Variants in STYXL1 observed in about 807,000 individuals in gnomAD.
STYXL1 encodes serine/threonine/tyrosine interacting like 1.
A neutral mutation model predicts 36.4 loss-of-function variants in STYXL1; 32 were observed. The observed-to-expected ratio is 0.88, with a 90% CI of 0.66 to 1.18. STYXL1 has a LOEUF of 1.18. Among genes scored for constraint, STYXL1 ranks in the 50% most tolerant of loss-of-function variants. The pLI, the probability that STYXL1 is intolerant of heterozygous loss-of-function variation, is 0.00. For missense variants in STYXL1, 354 were observed against 394.1 expected (o/e 0.90, Z 0.86); for synonymous variants, 133 against 144.1 (o/e 0.92, Z 0.55).
At chr7:76,036,649 ATT>A (rs35777449) in intron 1 of STYXL1, among the ~76,000 whole-genome samples, 2 of 136,252 alleles carry the variant, frequency 1.5e-5, no homozygotes, top group Admixed American at 7.4e-5. Context: ...TTCCATGTGA[ATT>A]TTTTTTTTTT....
At chr7:76,046,774 C>A (rs1474959403) in intron 1 of STYXL1, among the ~76,000 whole-genome samples, 5 of 151,544 alleles carry the variant, frequency 3.3e-5, no homozygotes, top group Non-Finnish European at 7.4e-5. Context: ...CCTCAGCCTC[C>A]GGAGTAGTTG....
intron 1 of STYXL1, among the ~76,000 whole-genome samples, chr7:76,040,938 TA>T (rs1796424000): frequency 6.6e-6 from 1 of 152,106 alleles, no homozygotes; most frequent in East Asian, 1.9e-4. Context: ...TCCAATATCC[TA>T]GAGCAGCTAC....
chr7:76,032,412 A>G (rs1277608478), intron 1 of STYXL1, among the ~76,000 whole-genome samples: 2 of 150,304 alleles, frequency 1.3e-5, no homozygotes, highest in African/African-American at 4.9e-5. Context: ...AAAAAAAAAA[A>G]AAGAAGGAGG....
chr7:76,044,906 G>C (rs551629282), intron 1 of STYXL1: 2 of 152,294 alleles, frequency 1.3e-5, no homozygotes, highest in South Asian at 4.1e-4. Flanking sequence ...ATGTTACCCA[G>C]GCTGGTCCTG....
In STYXL1 at chr7:76,038,598, A is replaced by AT. The variant is rs565060709; in HGVS notation, c.-4-8072dup. Among the ~76,000 whole-genome samples the AT allele has an allele frequency of 3.8e-3, 548 of 145,908 alleles. 7 individuals are homozygous for AT. Among genetic ancestry groups the AT allele is most frequent in the African/African-American group, 0.012 (458 of 39,592 alleles). ...CTGCCACCACGCCTGGCTTTTTTGTATTTTTTTTTAGTAGAGACGGGGTTT... is the reference window on the plus strand; with the variant it reads ...CTGCCACCACGCCTGGCTTTTTTGTATTTTTTTTTTAGTAGAGACGGGGTTT... On this transcript the variant is annotated intron_variant, in intron 1 of 8. Transcript: ENST00000359697.
chr7:76,016,909 G>C (rs1291915052), intron 4 of STYXL1, among the ~76,000 whole-genome samples: 1 of 152,038 alleles, frequency 6.6e-6, no homozygotes, highest in Non-Finnish European at 1.5e-5. Flanking sequence ...AAAATATATT[G>C]TTACACCAAA....
At position 76,003,862 on chromosome 7, in the gene STYXL1, G is replaced by C. The variant is rs76090562; in HGVS notation, c.600-7C>G. On this transcript the variant is annotated splice_polypyrimidine_tract_variant and splice_region_variant and intron_variant, in intron 6 of 8. Coordinates refer to ENST00000359697, the MANE Select transcript of STYXL1 (RefSeq NM_001317785.2). ...GTCAGCATCGCCTGCAAAACTACAC[G>C]GAAGGACCACACAGGTCATCAGGTG... The C allele has an allele frequency of 2.5e-6, 4 of 1,613,636 alleles. No homozygotes were observed. The highest frequency in any genetic ancestry group is 3.4e-6 in the Non-Finnish European group (4 of 1,179,768).
chr7:76,028,402 G>A lies in STYXL1; in HGVS notation c.165+240C>T, dbSNP rs112284766. On this transcript the variant is annotated intron_variant, in intron 3 of 8. Coordinates refer to ENST00000359697, the MANE Select transcript of STYXL1 (RefSeq NM_001317785.2). ...TGCACTCCAGCCTGGATGACAGAGC[G>A]AGACCCGGTCTCAAAAATTAAATCA... Among the ~76,000 whole-genome samples, 907 of 152,202 alleles carry A rather than the reference G, an allele frequency of 6.0e-3. 17 individuals carry two copies. Among genetic ancestry groups the A allele is most frequent in the African/African-American group, 0.021 (870 of 41,524 alleles).
chr7:76,028,011 G>A (rs573433185), intron 3 of STYXL1, among the ~76,000 whole-genome samples: 5 of 151,968 alleles, frequency 3.3e-5, no homozygotes, highest in Admixed American at 6.6e-5. Flanking sequence ...GAGGCTGAGC[G>A]GCGTAGGATT....
chr7:76,003,973 A>T, intron 6 of STYXL1, 118 bp from the exon 7 acceptor site: 1 of 840,414 alleles, frequency 1.2e-6, no homozygotes, highest in Non-Finnish European at 1.9e-6. Context: ...TGTAAGGGGG[A>T]ATGTGCACAG....
chr7:76,010,227 C>G (rs1286009834), intron 5 of STYXL1, among the ~76,000 whole-genome samples: 3 of 151,078 alleles, frequency 2.0e-5, no homozygotes, highest in Non-Finnish European at 4.4e-5. Flanking sequence ...GAACATTAAA[C>G]TGCCCTGGCT....
chr7:76,046,339 T>TGCGCGCGC (rs60118008), intron 1 of STYXL1, among the ~76,000 whole-genome samples: 4 of 44,908 alleles, frequency 8.9e-5, no homozygotes, highest in African/African-American at 2.9e-4. Context: ...TGTGTGTGTG[T>TGCGCGCGC]GCGCGCGCGC....
At chr7:76,007,060 A>G (rs1438686075) in intron 5 of STYXL1, among the ~76,000 whole-genome samples, 2 of 152,204 alleles carry the variant, frequency 1.3e-5, no homozygotes, top group African/African-American at 4.8e-5. Flanking sequence ...CCTAAACGAT[A>G]CAGTATAACA....
chr7:76,022,986 G>T (rs1210241394), intron 3 of STYXL1, among the ~76,000 whole-genome samples: 2 of 152,036 alleles, frequency 1.3e-5, no homozygotes, highest in Non-Finnish European at 2.9e-5. Context: ...AAAACCTCAT[G>T]GATCATAAGA....
chr7:76,008,487 C>T (rs543413852), intron 5 of STYXL1, among the ~76,000 whole-genome samples: 1 of 152,240 alleles, frequency 6.6e-6, no homozygotes, highest in African/African-American at 2.4e-5. Context: ...CGGCAGTGAA[C>T]CCTCTGCAAG....
chr7:75,997,207 G>A (rs747920106), intron 8 of STYXL1, among the ~76,000 whole-genome samples: 2 of 152,142 alleles, frequency 1.3e-5, no homozygotes, highest in Non-Finnish European at 2.9e-5. Context: ...CGAGACGGGT[G>A]GATCACCTGA....
chr7:76,032,615 T>C (rs527890736), intron 1 of STYXL1, among the ~76,000 whole-genome samples: 2 of 152,192 alleles, frequency 1.3e-5, no homozygotes, highest in South Asian at 4.2e-4. Flanking sequence ...GGCAGGAGAA[T>C]TTCTTGAACC....
intron 1 of STYXL1, among the ~76,000 whole-genome samples, chr7:76,037,086 CTCT>C (rs1297064728): frequency 6.7e-6 from 1 of 150,004 alleles, no homozygotes; most frequent in Non-Finnish European, 1.5e-5. Context: ...ACCCGGCCAG[CTCT>C]TCTTAAGAGA....
chr7:76,011,969 G>A (rs187542574), intron 5 of STYXL1, among the ~76,000 whole-genome samples: 9 of 152,254 alleles, frequency 5.9e-5, no homozygotes, highest in African/African-American at 2.2e-4. Flanking sequence ...GGAGCTAGGT[G>A]ATGGACAAAG....
Sources: gnomAD v4.1 joint callset for allele counts (sites outside exome capture counted in the v4.1 genomes callset) on GRCh38, gnomAD v4.1.1 for gene constraint, MANE v1.5 for transcripts, NCBI Gene and HGNC (gene_info 2026-07-23, HGNC 2026-07-21) for gene names.